PKHD1: variants seen among roughly 807,000 people sequenced by gnomAD.
PKHD1 encodes the protein fibrocystin.
A neutral mutation model predicts 412.0 loss-of-function variants in PKHD1; 291 were observed. That is an observed-to-expected ratio of 0.71 (90% CI 0.64 to 0.78). The LOEUF is 0.78. PKHD1 is among the 30% of genes least tolerant of loss of function. The pLI, the probability that PKHD1 is intolerant of heterozygous loss-of-function variation, is 0.00. For missense variants in PKHD1, 4,825 were observed against 4,950.7 expected (o/e 0.97, Z 0.76); for synonymous variants, 1,777 against 1,821.5 (o/e 0.98, Z 0.62).
rs549667442 is a variant in PKHD1, at chr6:51,896,785, A to G, written c.6996+6812T>C. Among the ~76,000 whole-genome samples the G allele has an allele frequency of 2.3e-4, 34 of 150,546 alleles. No individual in the cohort carries two copies. In the East Asian group the frequency reaches 5.5e-3, roughly 24 times the overall value. On this transcript the variant is annotated intron_variant, in intron 43 of 66. Coordinates refer to ENST00000371117, the MANE Select transcript of PKHD1 (RefSeq NM_138694.4). ...CTTTGAAAAAAATTTAGAAGAATGT[A>G]TAACTAGAATAACCAATACAGAGAA...
chr6:51,963,175 G>A (rs1792329257), intron 35 of PKHD1, among the ~76,000 whole-genome samples: 1 of 151,942 alleles, frequency 6.6e-6, no homozygotes, highest in Admixed American at 6.6e-5. Context: ...CCCTTTTCGT[G>A]TTTTCAAGCT....
At position 52,022,959 on chromosome 6, in the gene PKHD1, G is replaced by C; in HGVS notation, c.5237-15C>G. ...ACCCAGGCAGCCTTTAAAGACAAAG[G>C]TACAAGTTCTTGATCATACAGGCAA... On this transcript the variant is annotated splice_polypyrimidine_tract_variant and intron_variant, in intron 32 of 66. Transcript: ENST00000371117. 2 of 1,613,908 alleles carry C rather than the reference G, an allele frequency of 1.2e-6. No individual in the cohort carries two copies. Among genetic ancestry groups the C allele is most frequent in the Non-Finnish European group, 1.7e-6 (2 of 1,179,910 alleles).
intron 60 of PKHD1, among the ~76,000 whole-genome samples, chr6:51,730,158 T>C (rs1287460621): frequency 1.3e-5 from 2 of 152,212 alleles, no homozygotes; most frequent in Non-Finnish European, 1.5e-5. Context: ...CTTTGCTAGA[T>C]GAGTTGCAAA....
chr6:51,659,790 C>T lies in PKHD1; in HGVS notation c.10336G>A (p.Ala3446Thr), dbSNP rs1257801427. The T allele has an allele frequency of 1.2e-6, 2 of 1,613,368 alleles. No individual in the cohort carries two copies. Reference protein sequence around the residue: ...GFVDVFSSVNANIPCSTSGSV... With the variant: ...GFVDVFSSVNTNIPCSTSGSV... ...CCAGAAGTAGAGCAGGGAATATTGGCATTTACACTGCTAAAGACATCAACA... is the reference window on the plus strand; with the variant it reads ...CCAGAAGTAGAGCAGGGAATATTGGTATTTACACTGCTAAAGACATCAACA... Residue 3446 changes from alanine (A) to threonine (T), a missense_variant, in exon 61 of 67, where the codon GCC becomes ACC. Coordinates refer to ENST00000371117, the MANE Select transcript of PKHD1 (RefSeq NM_138694.4).
intron 52 of PKHD1, among the ~76,000 whole-genome samples, chr6:51,794,939 C>T (rs1032877667): frequency 1.1e-4 from 17 of 151,936 alleles, no homozygotes; most frequent in African/African-American, 4.1e-4. Context: ...TGTAGCCCTG[C>T]GGTATAAAGT....
At chr6:52,077,359 C>T (rs1275295009) in intron 5 of PKHD1, among the ~76,000 whole-genome samples, 1 of 152,154 alleles carries the variant, frequency 6.6e-6, no homozygotes, top group East Asian at 1.9e-4. Flanking sequence ...CAAGGCTTGA[C>T]CTGTGAGCCA....
chr6:51,657,787 C>A (rs147429383), intron 61 of PKHD1, among the ~76,000 whole-genome samples: 78 of 152,230 alleles, frequency 5.1e-4, no homozygotes, highest in African/African-American at 1.9e-3. Context: ...TGCTTCTACT[C>A]ATTGACTTTT....
At chr6:51,763,275 T>C (rs1244132770) in intron 55 of PKHD1, among the ~76,000 whole-genome samples, 1 of 152,080 alleles carries the variant, frequency 6.6e-6, no homozygotes, top group Non-Finnish European at 1.5e-5. Flanking sequence ...TTAAATGAGA[T>C]AATGTATGTA....
intron 60 of PKHD1, among the ~76,000 whole-genome samples, chr6:51,719,483 A>G (rs1781654314): frequency 6.6e-6 from 1 of 152,136 alleles, no homozygotes; most frequent in Non-Finnish European, 1.5e-5. Context: ...TACCCACTAC[A>G]TGCCAGTAGC....
chr6:51,645,391 T>A (rs1162333546), intron 63 of PKHD1, among the ~76,000 whole-genome samples: 1 of 152,176 alleles, frequency 6.6e-6, no homozygotes, highest in Non-Finnish European at 1.5e-5. Context: ...AAACATTATT[T>A]TCTTTTTTCT....
At chr6:52,000,291 C>A (rs1016065071) in intron 35 of PKHD1, among the ~76,000 whole-genome samples, 2 of 152,132 alleles carry the variant, frequency 1.3e-5, no homozygotes, top group Non-Finnish European at 2.9e-5. Flanking sequence ...CAAGCCTCAC[C>A]TCCCCTGTAG....
intron 49 of PKHD1, among the ~76,000 whole-genome samples, chr6:51,855,624 A>C (rs566749908): frequency 2.7e-4 from 41 of 152,354 alleles, no homozygotes; most frequent in African/African-American, 9.9e-4. Context: ...TGTATTAATA[A>C]ATTTAAATTT....
In PKHD1 at chr6:51,638,981, T is replaced by C. The variant is rs778116955; in HGVS notation, c.11399-25A>G. ...CCTACAAAAAAGTACAAAACAAAAA[T>C]TAGCTGTTTATTATCTAATCTCGAA... On this transcript the variant is annotated intron_variant, in intron 63 of 66. Coordinates refer to ENST00000371117, the MANE Select transcript of PKHD1 (RefSeq NM_138694.4). 13 of 1,484,772 alleles carry C rather than the reference T, an allele frequency of 8.8e-6. No homozygotes were observed. In the South Asian group the frequency reaches 1.5e-4, roughly 17 times the overall value. 92.0% of individuals were successfully genotyped at this position (1,484,772 alleles called of 1,614,324 possible).
chr6:51,880,779 T>TAAAAAAAAAAAAAAAAAAAAAAAAA (rs71544105), intron 46 of PKHD1, among the ~76,000 whole-genome samples: 4 of 30,042 alleles, frequency 1.3e-4, no homozygotes, highest in African/African-American at 2.0e-4. Flanking sequence ...AAAAAAAAAT[T>TAAAAAAAAAAAAAAAAAAAAAAAAA]AAAAAAAAAA....
chr6:51,960,658 G>C (rs1345318983), intron 35 of PKHD1, among the ~76,000 whole-genome samples: 1 of 152,134 alleles, frequency 6.6e-6, no homozygotes, highest in Non-Finnish European at 1.5e-5. Flanking sequence ...GTGCATCAGG[G>C]CTGAACAAAG....
intron 35 of PKHD1, among the ~76,000 whole-genome samples, chr6:52,009,276 A>G (rs2128114216): frequency 6.6e-6 from 1 of 152,322 alleles, no homozygotes; most frequent in African/African-American, 2.4e-5. Context: ...ACCCAGGAGC[A>G]TGGAAAGGTA....
chr6:51,731,475 G>A (rs149493612), intron 60 of PKHD1, among the ~76,000 whole-genome samples: 129 of 152,248 alleles, frequency 8.5e-4, no homozygotes, highest in African/African-American at 2.7e-3. Context: ...TTTGGTTGGA[G>A]GCTTGAGTAT....
At chr6:52,009,947 T>C (rs765332) in intron 35 of PKHD1, among the ~76,000 whole-genome samples, 1 of 151,850 alleles carries the variant, frequency 6.6e-6, no homozygotes, top group Non-Finnish European at 1.5e-5. Context: ...GCTGAGTGAT[T>C]TGGAAGCCTT....
chr6:51,711,631 T>C (rs563487581), intron 60 of PKHD1, among the ~76,000 whole-genome samples: 2 of 152,120 alleles, frequency 1.3e-5, no homozygotes, highest in South Asian at 4.2e-4. Flanking sequence ...GCTCCTTGAG[T>C]TGGAAACATA....
Sources: gnomAD v4.1 joint callset for allele counts (sites outside exome capture counted in the v4.1 genomes callset) on GRCh38, gnomAD v4.1.1 for gene constraint, MANE v1.5 for transcripts, NCBI Gene and HGNC (gene_info 2026-07-23, HGNC 2026-07-21) for gene names.